The following FAM47E variants were observed in gnomAD, a reference collection of about 807,000 sequenced individuals.
FAM47E encodes family with sequence similarity 47 member E, also known as protein FAM47E.
Under a neutral mutation model 41.6 loss-of-function variants are expected in FAM47E, and 32 were observed. That is an observed-to-expected ratio of 0.77 (90% CI 0.58 to 1.03). The LOEUF (loss-of-function observed/expected upper bound fraction) is 1.03, where lower values mean the gene tolerates loss of function less well. FAM47E is among the 50% of genes least tolerant of loss of function. The pLI is 0.00. For synonymous variants in FAM47E, 184 were observed against 188.7 expected (o/e 0.98, Z 0.20); for missense variants, 424 against 485.4 (o/e 0.87, Z 1.19).
upstream of FAM47E, among the ~76,000 whole-genome samples, chr4:76,251,353 C>A (rs909301226): frequency 6.6e-6 from 1 of 152,196 alleles, no homozygotes; most frequent in Admixed American, 6.5e-5. Flanking sequence ...GAAATCTATT[C>A]ATTTTCCCCA....
At chr4:76,261,136 A>G (rs1734397436) in intron 2 of FAM47E, among the ~76,000 whole-genome samples, 1 of 152,196 alleles carries the variant, frequency 6.6e-6, no homozygotes, top group South Asian at 2.1e-4. Context: ...ACCATCTCAT[A>G]TCAGTCAGAA....
intron 5 of FAM47E, among the ~76,000 whole-genome samples, chr4:76,276,086 A>G (rs964435428): frequency 7.0e-6 from 1 of 143,354 alleles, no homozygotes; most frequent in African/African-American, 2.5e-5. Flanking sequence ...CCTACATACA[A>G]ATAGTTCTCC....
At chr4:76,227,275 T>C (rs1266444950) in intron 2 of FAM47E, among the ~76,000 whole-genome samples, 6 of 152,210 alleles carry the variant, frequency 3.9e-5, no homozygotes, top group Admixed American at 2.0e-4. Context: ...ATTTCATTGT[T>C]GTTCCAAAGA....
intron 5 of FAM47E, among the ~76,000 whole-genome samples, chr4:76,273,353 G>A (rs1734969272): frequency 1.6e-4 from 24 of 152,166 alleles, no homozygotes. Flanking sequence ...AATGCAGAGA[G>A]CAAAAACATG....
chr4:76,239,188 T>A (rs1327554884), intron 2 of FAM47E, among the ~76,000 whole-genome samples: 1 of 152,216 alleles, frequency 6.6e-6, no homozygotes, highest in Non-Finnish European at 1.5e-5. Flanking sequence ...TGAATAATGC[T>A]GCTATAAACA....
chr4:76,233,629 C>T (rs1254861800), intron 2 of FAM47E, among the ~76,000 whole-genome samples: 3 of 152,036 alleles, frequency 2.0e-5, no homozygotes, highest in African/African-American at 7.2e-5. Context: ...GCATATAACA[C>T]ACACATATAA....
chr4:76,276,070 C>A (rs1837870), intron 5 of FAM47E, among the ~76,000 whole-genome samples: 9,162 of 141,766 alleles, frequency 0.065, 408 homozygotes, highest in Non-Finnish European at 0.089. Context: ...ACACACACAC[C>A]CCTCCCCTAC....
intron 2 of FAM47E, among the ~76,000 whole-genome samples, chr4:76,245,384 G>A (rs1411007798): frequency 6.6e-6 from 1 of 152,138 alleles, no homozygotes; most frequent in African/African-American, 2.4e-5. Context: ...CGAATTGCTT[G>A]GAACCAAGAG....
upstream of FAM47E, chr4:76,251,560 T>C: frequency 8.3e-7 from 1 of 1,210,824 alleles, no homozygotes; most frequent in South Asian, 2.3e-5. Flanking sequence ...ACCCTCTCCC[T>C]TCCCTCGGCC....
chr4:76,274,188 G>A (rs1489995958), intron 5 of FAM47E, among the ~76,000 whole-genome samples: 1 of 152,156 alleles, frequency 6.6e-6, no homozygotes, highest in East Asian at 1.9e-4. Context: ...ACTGGGTGTT[G>A]ACTATTTGTA....
Position 76,271,904 on chromosome 4 carries a change from T to G in FAM47E, c.870+136T>G, listed in dbSNP as rs183715787. ...TCTGGAATTTTTTTCATGATTAATA[T>G]TTGTTAAATAAATGCATGTTTAATA... On this transcript the variant is annotated intron_variant, in intron 5 of 7. Coordinates refer to ENST00000424749, the MANE Select transcript of FAM47E (RefSeq NM_001136570.3). 10,169 of 1,021,838 alleles carry G rather than the reference T, an allele frequency of 1.0e-2. 72 individuals carry two copies. The highest frequency in any genetic ancestry group is 0.011 in the Non-Finnish European group (7,816 of 731,342). 63.3% of individuals were successfully genotyped at this position (1,021,838 alleles called of 1,614,324 possible). A position where few individuals can be genotyped will look rare whatever the true frequency, so the allele number is the denominator to read the frequency against.
At position 76,271,665 on chromosome 4, in the gene FAM47E, A is replaced by G; in HGVS notation, c.767A>G (p.Asn256Ser). The G allele has an allele frequency of 1.3e-6, 2 of 1,552,162 alleles. No individual in the cohort carries two copies. Among genetic ancestry groups the G allele is most frequent in the Non-Finnish European group, 1.7e-6 (2 of 1,147,090 alleles). Residue 256 changes from asparagine to serine, a missense_variant, in exon 5 of 8, where the codon AAT (asparagine) becomes AGT (serine). Physicochemically the swap from Asn to Ser is conservative, Grantham distance 46 (BLOSUM62 1). Coordinates refer to ENST00000424749, the MANE Select transcript of FAM47E (RefSeq NM_001136570.3). ...GATGCGCTCCACACGATGAAGCTAA[A>G]TCAGGTTCCTCTGGAGCTAAAGCGT... is the stretch of plus-strand genomic sequence containing the variant. Reference protein sequence around the residue: ...SHDALHTMKLNQVPLELKRSV... With the variant: ...SHDALHTMKLSQVPLELKRSV...
At chr4:76,240,524 C>T (rs917782103) in intron 2 of FAM47E, among the ~76,000 whole-genome samples, 1 of 152,110 alleles carries the variant, frequency 6.6e-6, no homozygotes, top group Non-Finnish European at 1.5e-5. Flanking sequence ...CCCATAAAGC[C>T]TGTGTGGGGC....
chr4:76,221,019 G>T (rs942525657), intron 2 of FAM47E, among the ~76,000 whole-genome samples: 1 of 152,186 alleles, frequency 6.6e-6, no homozygotes, highest in African/African-American at 2.4e-5. Context: ...AGGCCCCAAG[G>T]TCCCTCACTG....
intron 2 of FAM47E, among the ~76,000 whole-genome samples, chr4:76,246,316 G>T (rs1449129281): frequency 6.6e-6 from 1 of 152,098 alleles, no homozygotes; most frequent in Non-Finnish European, 1.5e-5. Flanking sequence ...TTGCAATCTG[G>T]CTGGCCATCT....
At chr4:76,214,521 G>A (rs975075672) in intron 1 of FAM47E, 3 of 349,480 alleles carry the variant, frequency 8.6e-6, no homozygotes, top group African/African-American at 2.2e-5. Context: ...GGGTGGAGTC[G>A]GAGGTGTTGA....
upstream of FAM47E, among the ~76,000 whole-genome samples, chr4:76,251,474 A>C (rs1429040960): frequency 1.2e-4 from 18 of 152,126 alleles, no homozygotes; most frequent in Non-Finnish European, 2.6e-4. Context: ...CGCCTGATCC[A>C]GTCTATGGCG....
intron 5 of FAM47E, among the ~76,000 whole-genome samples, chr4:76,273,725 A>G (rs1037588482): frequency 4.6e-5 from 7 of 151,968 alleles, no homozygotes; most frequent in Non-Finnish European, 7.4e-5. Flanking sequence ...TTGTTTTTCA[A>G]TCCCTTCCCA....
intron 3 of FAM47E, among the ~76,000 whole-genome samples, chr4:76,265,791 G>C (rs1578789175): frequency 6.6e-6 from 1 of 152,164 alleles, no homozygotes; most frequent in African/African-American, 2.4e-5. Flanking sequence ...CGTGGCTGAA[G>C]ATTAAAAACT....
Sources: allele counts gnomAD v4.1 joint callset (sites outside exome capture counted in the v4.1 genomes callset), GRCh38; gene constraint gnomAD v4.1.1; transcripts MANE v1.5; gene names NCBI Gene and HGNC (gene_info 2026-07-23, HGNC 2026-07-21).